CHRM5: variants seen among roughly 807,000 people sequenced by gnomAD.
The protein encoded by CHRM5 is cholinergic receptor muscarinic 5, also known as muscarinic acetylcholine receptor M5.
Under a neutral mutation model 39.0 loss-of-function variants are expected in CHRM5, and 18 were observed. The observed-to-expected ratio is 0.46, with a 90% CI of 0.32 to 0.68. The LOEUF (loss-of-function observed/expected upper bound fraction) is 0.68, where lower values mean the gene tolerates loss of function less well. Among genes scored for constraint, CHRM5 ranks in the 30% least tolerant of loss-of-function variants. The pLI is 0.04. For missense variants in CHRM5, 515 were observed against 651.1 expected (o/e 0.79, Z 2.28); for synonymous variants, 241 against 246.3 (o/e 0.98, Z 0.20).
chr15:33,989,909 G>A (rs144248921), intron 1 of CHRM5, among the ~76,000 whole-genome samples: 25 of 150,596 alleles, frequency 1.7e-4, no homozygotes, highest in African/African-American at 3.4e-4. Context: ...CTATTAGAAC[G>A]TGGTACCCAG....
chr15:34,056,771 C>T (rs8029344), intron 2 of CHRM5, among the ~76,000 whole-genome samples: 50,060 of 151,862 alleles, frequency 0.33, 9,076 homozygotes, highest in African/African-American at 0.47. Context: ...AATCCCAGCA[C>T]TTTGGAAGGT....
At chr15:33,984,546 G>A (rs1338129532) in intron 1 of CHRM5, among the ~76,000 whole-genome samples, 3 of 151,984 alleles carry the variant, frequency 2.0e-5, no homozygotes, top group African/African-American at 7.2e-5. Context: ...CAGATTACAG[G>A]CATGCTCCAT....
chr15:34,035,035 G>A (rs1163684623), intron 1 of CHRM5, among the ~76,000 whole-genome samples: 1 of 152,184 alleles, frequency 6.6e-6, no homozygotes, highest in Non-Finnish European at 1.5e-5. Flanking sequence ...TAACTGATCT[G>A]ACACCATTTC....
intron 1 of CHRM5, among the ~76,000 whole-genome samples, chr15:34,009,998 T>C (rs1010006092): frequency 3.9e-5 from 6 of 151,916 alleles, no homozygotes; most frequent in Admixed American, 3.9e-4. Flanking sequence ...ATTATGAACA[T>C]ATAAACATAT....
chr15:34,014,965 T>A (rs534306073), intron 1 of CHRM5, among the ~76,000 whole-genome samples: 2 of 152,134 alleles, frequency 1.3e-5, no homozygotes, highest in East Asian at 1.9e-4. Context: ...GGTGCCGGAT[T>A]TGAGAAGCAG....
rs574166990 is a variant in CHRM5 at position 34,052,029 on chromosome 15, C to CAGAGAT, written c.-76+5160_-76+5165dup. Among the ~76,000 whole-genome samples, 118 of 152,234 alleles carry CAGAGAT rather than the reference C, an allele frequency of 7.8e-4. 1 individual carries two copies. Among genetic ancestry groups the CAGAGAT allele is most frequent in the African/African-American group, 2.6e-3 (107 of 41,560 alleles). ...GCATCATCCTGATACCAAAGCCTGGCAGAGATACAACAAAAAAAAGAAAAC... is the reference window on the plus strand; with the variant it reads ...GCATCATCCTGATACCAAAGCCTGGCAGAGATAGAGATACAACAAAAAAAAGAAAAC... On this transcript the variant is annotated intron_variant, in intron 2 of 2. Coordinates refer to ENST00000383263, the MANE Select transcript of CHRM5 (RefSeq NM_012125.4).
chr15:33,988,286 G>A (rs186460843), intron 1 of CHRM5, among the ~76,000 whole-genome samples: 267 of 152,214 alleles, frequency 1.8e-3, no homozygotes, highest in African/African-American at 5.9e-3. Context: ...CGATTTTAAT[G>A]AACAGTATCA....
intron 1 of CHRM5, among the ~76,000 whole-genome samples, chr15:34,030,791 G>T (rs1392656432): frequency 6.6e-6 from 1 of 151,458 alleles, no homozygotes; most frequent in African/African-American, 2.4e-5. Flanking sequence ...TAAATTTTTT[G>T]TTGTTGTTGT....
At chr15:34,039,956 A>G (rs1899395654) in intron 1 of CHRM5, among the ~76,000 whole-genome samples, 1 of 152,246 alleles carries the variant, frequency 6.6e-6, no homozygotes, top group South Asian at 2.1e-4. Context: ...TTGGTTACAC[A>G]GATGCATGAA....
At chr15:33,980,781 C>A (rs1896103474) in intron 1 of CHRM5, among the ~76,000 whole-genome samples, 1 of 152,118 alleles carries the variant, frequency 6.6e-6, no homozygotes, top group African/African-American at 2.4e-5. Flanking sequence ...AACTAGTTCC[C>A]AAATCCCATG....
intron 1 of CHRM5, among the ~76,000 whole-genome samples, chr15:34,026,422 A>T (rs894759624): frequency 6.6e-6 from 1 of 152,188 alleles, no homozygotes; most frequent in African/African-American, 2.4e-5. Flanking sequence ...GAAAGGAAAC[A>T]CGGATTAATT....
At chr15:34,024,472 C>CAAAAAAA in intron 1 of CHRM5, among the ~76,000 whole-genome samples, 1 of 101,944 alleles carries the variant, frequency 9.8e-6, no homozygotes, top group African/African-American at 4.0e-5. Context: ...GACCCTGTCT[C>CAAAAAAA]AAAAAAAAAA....
chr15:34,044,042 G>A (rs914616861), intron 1 of CHRM5, among the ~76,000 whole-genome samples: 2 of 147,842 alleles, frequency 1.4e-5, no homozygotes, highest in African/African-American at 2.5e-5. Context: ...ACCTTCTAAT[G>A]AATCATTCAC....
intron 1 of CHRM5, among the ~76,000 whole-genome samples, chr15:33,983,233 T>TAC (rs1375764848): frequency 3.5e-5 from 4 of 115,500 alleles, no homozygotes; most frequent in South Asian, 3.8e-4. Context: ...TACACACACA[T>TAC]ACACACACAC....
chr15:33,982,194 G>T (rs1896182073), intron 1 of CHRM5, among the ~76,000 whole-genome samples: 2 of 152,106 alleles, frequency 1.3e-5, no homozygotes, highest in African/African-American at 4.8e-5. Context: ...TAACACATTT[G>T]TTAACACCTA....
chr15:33,983,480 CA>C (rs1896280134), intron 1 of CHRM5, among the ~76,000 whole-genome samples: 1 of 151,860 alleles, frequency 6.6e-6, no homozygotes, highest in African/African-American at 2.4e-5. Flanking sequence ...TGCAGTAAAG[CA>C]TAAATAAAAA....
chr15:34,052,095 T>C (rs1375928805), intron 2 of CHRM5, among the ~76,000 whole-genome samples: 1 of 152,140 alleles, frequency 6.6e-6, no homozygotes, highest in African/African-American at 2.4e-5. Context: ...GCAAAAATCC[T>C]CAATGAAATA....
At chr15:34,017,481 T>G (rs1231453228) in intron 1 of CHRM5, among the ~76,000 whole-genome samples, 1 of 51,954 alleles carries the variant, frequency 1.9e-5, no homozygotes, top group African/African-American at 4.2e-5. Context: ...TGATTTTTTT[T>G]TTGTTTTTTT....
rs531646285 is a variant in CHRM5, at chr15:34,029,809, G to A, written c.-407-16731G>A. ...GATTAAGACTTCTTTAATAATATAAGACTAATCTTCAATTAGCCCAAATAT... is the reference window on the plus strand; with the variant it reads ...GATTAAGACTTCTTTAATAATATAAAACTAATCTTCAATTAGCCCAAATAT... On this transcript the variant is annotated intron_variant, in intron 1 of 2. Coordinates refer to ENST00000383263, the MANE Select transcript of CHRM5 (RefSeq NM_012125.4). Among the ~76,000 whole-genome samples, 226 of 152,220 alleles carry A rather than the reference G, an allele frequency of 1.5e-3. 2 individuals carry two copies. The highest frequency in any genetic ancestry group is 5.2e-3 in the African/African-American group (215 of 41,520).
Sources: allele counts gnomAD v4.1 joint callset (sites outside exome capture counted in the v4.1 genomes callset), GRCh38; gene constraint gnomAD v4.1.1; transcripts MANE v1.5; gene names NCBI Gene and HGNC (gene_info 2026-07-23, HGNC 2026-07-21).